The following LRRC4C variants were observed in gnomAD, a reference collection of about 807,000 sequenced individuals.
The protein encoded by LRRC4C is leucine rich repeat containing 4C.
LRRC4C carries 5 observed loss-of-function variants against 33.6 expected under a neutral mutation model. The ratio of observed to expected loss-of-function variants is 0.15; its 90% CI spans 0.08 to 0.31. LRRC4C has a LOEUF of 0.31. Among genes scored for constraint, LRRC4C ranks in the 10% least tolerant of loss-of-function variants. The pLI, the probability that LRRC4C is intolerant of heterozygous loss-of-function variation, is 1.00. For missense variants in LRRC4C, 560 were observed against 796.7 expected, an observed-to-expected ratio of 0.70 and a Z score of 3.58; for synonymous variants, 329 against 302.0, an observed-to-expected ratio of 1.09 and a Z score of -0.93.
chr11:40,458,213 A>T (rs569896461), intron 3 of LRRC4C, among the ~76,000 whole-genome samples: 1 of 152,210 alleles, frequency 6.6e-6, no homozygotes, highest in Non-Finnish European at 1.5e-5. Context: ...CCAGCCATGG[A>T]CTGCCTGTGT....
At chr11:41,154,063 T>A (rs1346896088) in intron 1 of LRRC4C, among the ~76,000 whole-genome samples, 2 of 152,158 alleles carry the variant, frequency 1.3e-5, no homozygotes, top group African/African-American at 4.8e-5. Context: ...GCCCTGTCAA[T>A]ACTTTCATTT....
At chr11:41,431,874 A>C (rs1955249057) in intron 1 of LRRC4C, among the ~76,000 whole-genome samples, 1 of 152,128 alleles carries the variant, frequency 6.6e-6, no homozygotes, top group African/African-American at 2.4e-5. Flanking sequence ...GGCCCACCTT[A>C]GGTTTTTGTG....
intron 1 of LRRC4C, among the ~76,000 whole-genome samples, chr11:41,024,420 A>C (rs1218317393): frequency 1.3e-5 from 2 of 151,704 alleles, no homozygotes; most frequent in Non-Finnish European, 3.0e-5. Flanking sequence ...TTACTGTCAA[A>C]ATAATAAAGT....
intron 3 of LRRC4C, among the ~76,000 whole-genome samples, chr11:40,452,427 T>A (rs1326797959): frequency 6.6e-6 from 1 of 152,114 alleles, no homozygotes; most frequent in African/African-American, 2.4e-5. Flanking sequence ...GACACATGAA[T>A]AAATGCTCAT....
chr11:40,570,841 A>G (rs968709327), intron 3 of LRRC4C, among the ~76,000 whole-genome samples: 1 of 152,224 alleles, frequency 6.6e-6, no homozygotes, highest in Non-Finnish European at 1.5e-5. Flanking sequence ...ACCAGAAAAA[A>G]AGCATGTAAT....
intron 1 of LRRC4C, among the ~76,000 whole-genome samples, chr11:41,228,916 G>A (rs2136443490): frequency 6.6e-6 from 1 of 152,144 alleles, no homozygotes; most frequent in East Asian, 1.9e-4. Context: ...CTCCAAGTCT[G>A]ATGTCTGTGG....
intron 1 of LRRC4C, among the ~76,000 whole-genome samples, chr11:41,326,099 G>C (rs894754832): frequency 6.6e-6 from 1 of 150,796 alleles, no homozygotes; most frequent in Non-Finnish European, 1.5e-5. Flanking sequence ...CAGTGGAATG[G>C]GAGAGGCAGA....
chr11:41,395,269 G>C (rs1245768522), intron 1 of LRRC4C, among the ~76,000 whole-genome samples: 1 of 151,978 alleles, frequency 6.6e-6, no homozygotes, highest in Admixed American at 6.6e-5. Context: ...TTAGATTGAA[G>C]CAACTGCTTT....
chr11:40,253,746 G>A (rs1866974675), intron 4 of LRRC4C, among the ~76,000 whole-genome samples: 1 of 152,060 alleles, frequency 6.6e-6, no homozygotes, highest in Admixed American at 6.6e-5. Flanking sequence ...AGCCACCTGA[G>A]GGAACCTATG....
At chr11:41,184,305 A>G (rs368390681) in intron 1 of LRRC4C, among the ~76,000 whole-genome samples, 45 of 150,914 alleles carry the variant, frequency 3.0e-4, no homozygotes, top group African/African-American at 1.0e-3. Context: ...TCAAACCTTT[A>G]TGCTCCACTT....
chr11:40,151,656 A>G (rs754943011), intron 5 of LRRC4C, among the ~76,000 whole-genome samples: 9 of 152,198 alleles, frequency 5.9e-5, no homozygotes, highest in Non-Finnish European at 1.3e-4. Flanking sequence ...TAAAGTTTAT[A>G]AAGTGAAGCC....
chr11:40,754,130 T>C (rs983993905), intron 2 of LRRC4C, among the ~76,000 whole-genome samples: 3 of 152,062 alleles, frequency 2.0e-5, no homozygotes, highest in Non-Finnish European at 4.4e-5. Flanking sequence ...AAATGATCAT[T>C]TACATATCTC....
Position 41,165,992 on chromosome 11 carries a change from T to C in LRRC4C, c.-495-232269A>G, listed in dbSNP as rs553253746. Among the ~76,000 whole-genome samples, 163 of 151,184 alleles carry C rather than the reference T, an allele frequency of 1.1e-3. 1 individual carries two copies. The highest frequency in any genetic ancestry group is 2.1e-3 in the Non-Finnish European group (141 of 67,888). On this transcript the variant is annotated intron_variant, in intron 1 of 6. Transcript: ENST00000528697. ...GTTGCAGTGAGTCGAAATCGTGCCA[T>C]TGCACTCCAGCCTCGGCAACAAGAG... is the stretch of plus-strand genomic sequence containing the variant.
chr11:41,227,113 C>T (rs1947576688), intron 1 of LRRC4C, among the ~76,000 whole-genome samples: 1 of 152,016 alleles, frequency 6.6e-6, no homozygotes, highest in Non-Finnish European at 1.5e-5. Flanking sequence ...AAAGACACCT[C>T]CTTCCCCTTT....
intron 1 of LRRC4C, among the ~76,000 whole-genome samples, chr11:41,253,569 A>G (rs1008115869): frequency 1.3e-5 from 2 of 152,118 alleles, no homozygotes; most frequent in Admixed American, 6.6e-5. Context: ...AATAAAGAGA[A>G]CTGGTTTCTT....
At chr11:40,888,040 AGCCTAC>A (rs1353412506) in intron 2 of LRRC4C, among the ~76,000 whole-genome samples, 1 of 151,940 alleles carries the variant, frequency 6.6e-6, no homozygotes, top group Non-Finnish European at 1.5e-5. Flanking sequence ...TCAGAATAAG[AGCCTAC>A]TTCACTGAGT....
At chr11:40,398,606 A>G (rs899689514) in intron 3 of LRRC4C, among the ~76,000 whole-genome samples, 2 of 152,074 alleles carry the variant, frequency 1.3e-5, no homozygotes, top group African/African-American at 4.8e-5. Context: ...TTTGTTTTCC[A>G]TAATGATATA....
intron 3 of LRRC4C, among the ~76,000 whole-genome samples, chr11:40,574,294 A>G (rs940536187): frequency 6.6e-6 from 1 of 152,192 alleles, no homozygotes; most frequent in Admixed American, 6.5e-5. Flanking sequence ...GCTATTGGCC[A>G]GCCAGGACAA....
intron 2 of LRRC4C, among the ~76,000 whole-genome samples, chr11:40,658,969 G>A (rs913769121): frequency 2.6e-5 from 4 of 152,196 alleles, no homozygotes; most frequent in Admixed American, 6.5e-5. Context: ...AGAGATGAGA[G>A]CCCTGCACCC....
Sources: gnomAD v4.1 joint callset for allele counts (sites outside exome capture counted in the v4.1 genomes callset) on GRCh38, gnomAD v4.1.1 for gene constraint, MANE v1.5 for transcripts, NCBI Gene and HGNC (gene_info 2026-07-23, HGNC 2026-07-21) for gene names.